UNC13D: variants seen among roughly 807,000 people sequenced by gnomAD.
UNC13D encodes the protein unc-13 homolog D, also known as protein unc-13 homolog D.
Under a neutral mutation model 151.7 loss-of-function variants are expected in UNC13D, and 115 were observed. That is an observed-to-expected ratio of 0.76 (90% CI 0.65 to 0.88). The LOEUF is 0.88. Ranked by LOEUF, UNC13D falls within the 40% of genes least tolerant of loss-of-function variation. The pLI is 0.00. For missense variants in UNC13D, 1,369 were observed against 1,438.7 expected (o/e 0.95, Z 0.78); for synonymous variants, 588 against 612.2 (o/e 0.96, Z 0.58).
At position 75,840,354 on chromosome 17, in the gene UNC13D, G is replaced by A. The variant is rs373406959; in HGVS notation, c.754-25C>T. Reference sequence around the variant, plus strand: ...CCTGACAGGCGGGGATGCCCAGCCCGTGAGCGTCAGAACCTCATAGAGTCG... The same window carrying A: ...CCTGACAGGCGGGGATGCCCAGCCCATGAGCGTCAGAACCTCATAGAGTCG... On this transcript the variant is annotated intron_variant, in intron 9 of 31. Coordinates refer to ENST00000207549, the MANE Select transcript of UNC13D (RefSeq NM_199242.3). This position sits in a 1 kb window ranked among gnomAD's most constrained non-coding sequence, Gnocchi z 4.6. 1.1e-5 allele frequency: 17 copies of A among 1,611,362 alleles called. No individual in the cohort carries two copies. Among genetic ancestry groups the A allele is most frequent in the Admixed American group, 3.3e-5 (2 of 59,890 alleles).
In UNC13D at chr17:75,844,300, G is replaced by A; in HGVS notation, c.38C>T (p.Pro13Leu). 2 of 1,612,744 alleles carry A rather than the reference G, an allele frequency of 1.2e-6. No individual in the cohort carries two copies. Among genetic ancestry groups the A allele is most frequent in the Non-Finnish European group, 1.7e-6 (2 of 1,179,902 alleles). Reference sequence around the variant, plus strand: ...TATCTTGATGGCCTGGCGCAAGAAGGGAGGGCGCTGCTGCGGATGGGAGAG... The same window carrying A: ...TATCTTGATGGCCTGGCGCAAGAAGAGAGGGCGCTGCTGCGGATGGGAGAG... The part of the protein sequence containing the change: ...TLLSHPQQRP[P>L]FLRQAIKIRR... The change falls in exon 1 of 32, where the codon CCC becomes CTC. Residue 13 changes from proline (P) to leucine (L), a missense_variant. This residue lies in a region of UNC13D where 550 missense variants were observed against 609.0 expected (regional missense o/e 0.90). Transcript: ENST00000207549.
At position 75,836,335 on chromosome 17, in the gene UNC13D, A is replaced by G. The variant is rs2064908761; in HGVS notation, c.1389+4T>C. ...CTCCCCCATCCCCAGCGCGAGTACCATACCTGCAGGGCCTCAGTCACCAGC... is the reference window on the plus strand; with the variant it reads ...CTCCCCCATCCCCAGCGCGAGTACCGTACCTGCAGGGCCTCAGTCACCAGC... On this transcript the variant is annotated splice_donor_region_variant and intron_variant, in intron 15 of 31. Coordinates refer to ENST00000207549, the MANE Select transcript of UNC13D (RefSeq NM_199242.3). 6.2e-7 allele frequency: 1 copy of G among 1,613,886 alleles called. No homozygotes were observed. The highest frequency in any genetic ancestry group is 1.3e-5 in the African/African-American group (1 of 75,052).
chr17:75,834,729 T>G lies in UNC13D; in HGVS notation c.1993-13A>C, dbSNP rs767202574. ...GGCGACAGGTGTCCTAGGGTGGGGT[T>G]GGACAGAGGGAACTGATCCATGGGT... On this transcript the variant is annotated splice_polypyrimidine_tract_variant and intron_variant, in intron 21 of 31. Coordinates refer to ENST00000207549, the MANE Select transcript of UNC13D (RefSeq NM_199242.3). 3.1e-6 allele frequency: 5 copies of G among 1,613,156 alleles called. No homozygotes were observed. The South Asian group carries it at 5.5e-5, about 18-fold the overall frequency.
At chr17:75,830,995 T>C (rs1045315760) in intron 27 of UNC13D, 103 bp downstream of exon 27, 1 of 1,356,450 alleles carries the variant, frequency 7.4e-7, no homozygotes, top group African/African-American at 1.5e-5. Flanking sequence ...TTTTTCATTT[T>C]GTACTGGGCC....
In UNC13D at chr17:75,834,101, C is replaced by T. The variant is rs149871493; in HGVS notation, c.2341G>A (p.Val781Ile). ...TCCTCAGGCAGGACAGACTCCCTGA[C>T]GCCCACCAGTTTCTGGATGTGCTTG... ...IAKHIQKLVGVRESVLPEDAI... is the reference protein window; with the variant it reads ...IAKHIQKLVGIRESVLPEDAI... Residue 781 changes from valine to isoleucine, a missense_variant, in exon 24 of 32, where the codon GTC (valine) becomes ATC (isoleucine). Coordinates refer to ENST00000207549, the MANE Select transcript of UNC13D (RefSeq NM_199242.3). 2.1e-3 allele frequency: 3,390 copies of T among 1,613,768 alleles called. 7 individuals carry two copies. Among genetic ancestry groups the T allele is most frequent in the Admixed American group, 3.2e-3 (195 of 60,030 alleles).
chr17:75,837,008 C>CTCCTCCAGGGCCCCTGGTGGAGAACG lies in UNC13D; in HGVS notation c.1056-91_1056-90insCGTTCTCCACCAGGGGCCCTGGAGGA, dbSNP rs55716751. The stretch of plus-strand genomic sequence containing the variant: ...GCCTCAGGTGGGGGGAATCGCCTCC[C>CTCCTCCAGGGCCCCTGGTGGAGAACG]ATCCACCAGTACAGGCTGAAAACTA... On this transcript the variant is annotated intron_variant, in intron 12 of 31. Transcript: ENST00000207549. The CTCCTCCAGGGCCCCTGGTGGAGAACG allele has an allele frequency of 2.8e-3, 3,127 of 1,098,424 alleles. 74 individuals are homozygous for CTCCTCCAGGGCCCCTGGTGGAGAACG. The highest frequency in any genetic ancestry group is 8.0e-3 in the South Asian group (630 of 78,978). 68.0% of individuals were successfully genotyped at this position (1,098,424 alleles called of 1,614,324 possible).
Position 75,833,296 on chromosome 17 carries a change from C to T in UNC13D, c.2368-251G>A. 1 of 383,982 alleles carries T rather than the reference C, an allele frequency of 2.6e-6. No homozygotes were observed. The highest frequency in any genetic ancestry group is 4.9e-6 in the Non-Finnish European group (1 of 203,436). 23.8% of individuals were successfully genotyped at this position (383,982 alleles called of 1,614,324 possible). On this transcript the variant is annotated intron_variant, in intron 24 of 31. Coordinates refer to ENST00000207549, the MANE Select transcript of UNC13D (RefSeq NM_199242.3). The surrounding 1 kb of genome is among the most constrained non-coding windows in gnomAD (Gnocchi z 4.0). The stretch of plus-strand genomic sequence containing the variant: ...ATGGTCCTGCCTCAGGGTCTCTGCC[C>T]TTGCCGTTCCCTCTGCCTGGAATGC...
Position 75,840,293 on chromosome 17 carries a change from C to A in UNC13D, c.790G>T (p.Glu264Ter). The A allele has an allele frequency of 6.2e-7, 1 of 1,613,904 alleles. No individual in the cohort carries two copies. Among genetic ancestry groups the A allele is most frequent in the Non-Finnish European group, 8.5e-7 (1 of 1,180,006 alleles). Reference protein sequence around the residue: ...RCREDQWYPLEPRTETYPDRG... With the variant: ...RCREDQWYPL ...TCTGGGTAGGTCTCAGTGCGGGGTTCCAGGGGGTACCACTGGTCCTCTCGG... is the reference window on the plus strand; with the variant it reads ...TCTGGGTAGGTCTCAGTGCGGGGTTACAGGGGGTACCACTGGTCCTCTCGG... The change falls in exon 10 of 32, where the codon GAA (glutamate) becomes TAA (stop). Residue 264 changes from glutamate to a stop codon, truncating the protein, a stop_gained. Coordinates refer to ENST00000207549, the MANE Select transcript of UNC13D (RefSeq NM_199242.3). LOFTEE classifies it high-confidence loss of function. The surrounding 1 kb of genome is among the most constrained non-coding windows in gnomAD (Gnocchi z 4.6).
rs1426965825 is a variant in UNC13D, at chr17:75,836,282, G to A, written c.1390-26C>T. ...CTGTCGACAAAGAGGCAGTGAGCAGGGAGGGACTGCCAGGCCCAGGCGCTG... is the reference window on the plus strand; with the variant it reads ...CTGTCGACAAAGAGGCAGTGAGCAGAGAGGGACTGCCAGGCCCAGGCGCTG... On this transcript the variant is annotated intron_variant, in intron 15 of 31. Transcript: ENST00000207549. 2.5e-6 allele frequency: 4 copies of A among 1,612,954 alleles called. No individual in the cohort carries two copies. In the East Asian group the frequency reaches 8.9e-5, roughly 36 times the overall value.
intron 25 of UNC13D, 24 bp from the exon 26 acceptor site, chr17:75,831,372 G>A (rs372679744): frequency 1.7e-5 from 27 of 1,598,936 alleles, no homozygotes; most frequent in South Asian, 3.3e-5. Flanking sequence ...GGAGGGATGC[G>A]GACACAGCAC....
rs373972112 is a variant in UNC13D at position 75,838,459 on chromosome 17, T to A, written c.1055+1380A>T. On this transcript the variant is annotated intron_variant, in intron 12 of 31. Transcript: ENST00000207549. ...GTCTCAAACTCCTGACTTCAAGTGA[T>A]CTGCCTGTCTCGGCCTCCCAAAGTG... is the stretch of plus-strand genomic sequence containing the variant. Among the ~76,000 whole-genome samples the A allele has an allele frequency of 1.1e-4, 16 of 152,096 alleles. No individual in the cohort carries two copies. The East Asian group carries it at 3.1e-3, about 30-fold the overall frequency.
intron 2 of UNC13D, 61 bp downstream of exon 2, chr17:75,843,423 C>T (rs1473075989): frequency 5.1e-6 from 8 of 1,580,126 alleles, no homozygotes; most frequent in South Asian, 1.1e-5. Context: ...CAGCGTCGGC[C>T]GGCAGGAGGA....
intron 2 of UNC13D, 105 bp downstream of exon 2, chr17:75,843,379 A>G: frequency 6.4e-7 from 1 of 1,565,740 alleles, no homozygotes; most frequent in Non-Finnish European, 8.6e-7. Context: ...GAGACCCAGG[A>G]GTCCCCTCCC....
Position 75,830,134 on chromosome 17 carries a change from C to A in UNC13D, c.2848G>T (p.Val950Phe). Residue 950 changes from valine (V) to phenylalanine (F), a missense_variant, in exon 30 of 32, where the codon GTC (valine) becomes TTC (phenylalanine). By Grantham distance (50) the Val-to-Phe change is conservative. Coordinates refer to ENST00000207549, the MANE Select transcript of UNC13D (RefSeq NM_199242.3). Reference protein sequence around the residue: ...LDSNGSSDPFVQLTLEPRHEF... With the variant: ...LDSNGSSDPFFQLTLEPRHEF... ...TGCCTGGGCTCCAAGGTCAGCTGGA[C>A]AAAGGGGTCGCTGGAGCCTGGTAAG... 1 of 1,590,012 alleles carries A rather than the reference C, an allele frequency of 6.3e-7. No homozygotes were observed. Among genetic ancestry groups the A allele is most frequent in the Admixed American group, 1.8e-5 (1 of 56,654 alleles).
rs1397601840 is a variant in UNC13D, at chr17:75,835,476, G to A, written c.1781C>T (p.Pro594Leu). Residue 594 changes from proline to leucine, a missense_variant, in exon 20 of 32, where the codon CCC (proline) becomes CTC (leucine). Around this residue, in one of 3 missense-constraint regions of UNC13D, gnomAD observed 807 missense variants for 795.5 expected, o/e 1.01. Coordinates refer to ENST00000207549, the MANE Select transcript of UNC13D (RefSeq NM_199242.3). ...NFHRWFQPAIPSWLQKTYNEA... is the reference protein window; with the variant it reads ...NFHRWFQPAILSWLQKTYNEA... The stretch of plus-strand genomic sequence containing the variant: ...GTTGTACGTCTTCTGCAGCCAGGAG[G>A]GGATGGCCGGCTGGAACCAGCGGTG... The A allele has an allele frequency of 2.5e-6, 4 of 1,612,576 alleles. No homozygotes were observed. In the South Asian group the frequency reaches 4.4e-5, roughly 18 times the overall value.
rs571907723 is a variant in UNC13D, at chr17:75,834,903, C to T, written c.1992+17G>A. ...TGTTCTAGAAAGAGGGGGAAGGACACGTGGAAGATGCCGCACCTCCACAAA... is the reference window on the plus strand; with the variant it reads ...TGTTCTAGAAAGAGGGGGAAGGACATGTGGAAGATGCCGCACCTCCACAAA... On this transcript the variant is annotated intron_variant, in intron 21 of 31. Coordinates refer to ENST00000207549, the MANE Select transcript of UNC13D (RefSeq NM_199242.3). The T allele has an allele frequency of 5.0e-6, 8 of 1,613,768 alleles. No homozygotes were observed. Among genetic ancestry groups the T allele is most frequent in the Middle Eastern group, 1.7e-4 (1 of 6,050 alleles).
chr17:75,842,945 C>A (rs763184980), intron 4 of UNC13D, 22 bp from the exon 5 acceptor site: 36 of 1,613,088 alleles, frequency 2.2e-5, no homozygotes, highest in Admixed American at 3.3e-5. Flanking sequence ...GGAGGGATGG[C>A]CTGAGTCCCT....
chr17:75,831,640 G>A (rs1292671815), intron 25 of UNC13D: 1 of 483,230 alleles, frequency 2.1e-6, no homozygotes, highest in Non-Finnish European at 3.8e-6. Context: ...ACAGGGAGGA[G>A]GCCAGGCCCC....
At chr17:75,831,682 G>A (rs1187520761) in intron 25 of UNC13D, 6 of 378,184 alleles carry the variant, frequency 1.6e-5, no homozygotes, top group Non-Finnish European at 3.0e-5. Context: ...ACAGAACCAG[G>A]CCGGGCGTGG....
Sources: allele counts gnomAD v4.1 joint callset (sites outside exome capture counted in the v4.1 genomes callset), GRCh38; gene constraint gnomAD v4.1.1; regional missense constraint gnomAD v4.1.1; non-coding constraint Gnocchi (gnomAD v3.1); transcripts MANE v1.5; gene names NCBI Gene and HGNC (gene_info 2026-07-23, HGNC 2026-07-21).